CELF4: variants seen among roughly 807,000 people sequenced by gnomAD.
The protein encoded by CELF4 is CUGBP Elav-like family member 4, also known as CUG-BP- and ETR-3-like factor 4.
CELF4 carries 18 observed loss-of-function variants against 59.9 expected under a neutral mutation model. The observed-to-expected ratio is 0.30, with a 90% CI of 0.21 to 0.45. CELF4 has a LOEUF of 0.45. Among genes scored for constraint, CELF4 ranks in the 20% least tolerant of loss-of-function variants. The pLI is 1.00. For missense variants in CELF4, 456 were observed against 689.0 expected, an observed-to-expected ratio of 0.66 and a Z score of 3.79; for synonymous variants, 261 against 267.1, an observed-to-expected ratio of 0.98 and a Z score of 0.22.
chr18:37,299,692 G>T (rs1175732921), intron 3 of CELF4, among the ~76,000 whole-genome samples: 1 of 152,198 alleles, frequency 6.6e-6, no homozygotes, highest in Non-Finnish European at 1.5e-5. Flanking sequence ...GGCAACCAAA[G>T]CCTCAAAGTT....
At chr18:37,457,813 G>T (rs2099782504) in intron 2 of CELF4, among the ~76,000 whole-genome samples, 1 of 152,054 alleles carries the variant, frequency 6.6e-6, no homozygotes, top group Non-Finnish European at 1.5e-5. Context: ...TGACCCCCAA[G>T]TTGTTTCCCT....
chr18:37,337,020 C>A (rs535333986), intron 2 of CELF4, among the ~76,000 whole-genome samples: 1 of 152,342 alleles, frequency 6.6e-6, no homozygotes, highest in South Asian at 2.1e-4. Context: ...GTGCTCCACT[C>A]ACCATGCCTG....
At chr18:37,414,877 C>A (rs1345858919) in intron 2 of CELF4, among the ~76,000 whole-genome samples, 6 of 152,142 alleles carry the variant, frequency 3.9e-5, no homozygotes. Context: ...ACTCATCCAC[C>A]ACCGATCCAC....
rs190912498 is a variant in CELF4, at chr18:37,467,023, T to C, written c.369+18502A>G. On this transcript the variant is annotated intron_variant, in intron 2 of 12. Transcript: ENST00000420428. The stretch of plus-strand genomic sequence containing the variant: ...AGGTCAGAGTGGGAGGCGGTGGGGA[T>C]TGGGGAGGAGCTAATGATCACAAGA... Among the ~76,000 whole-genome samples the C allele has an allele frequency of 2.4e-3, 371 of 151,926 alleles. 1 individual carries two copies. The highest frequency in any genetic ancestry group is 0.014 in the Middle Eastern group (4 of 294).
chr18:37,533,614 TG>T (rs1432594388), intron 1 of CELF4, among the ~76,000 whole-genome samples: 11 of 152,262 alleles, frequency 7.2e-5, no homozygotes, highest in African/African-American at 2.7e-4. Context: ...AAGGCTCTTC[TG>T]GTGAGCAAAC....
At chr18:37,498,218 C>T (rs76411820) in intron 1 of CELF4, among the ~76,000 whole-genome samples, 1 of 152,156 alleles carries the variant, frequency 6.6e-6, no homozygotes, top group Middle Eastern at 3.2e-3. Flanking sequence ...GCACCATCTC[C>T]TCAAAGCTCC....
At chr18:37,310,331 C>A (rs2096599983) in intron 3 of CELF4, among the ~76,000 whole-genome samples, 1 of 152,166 alleles carries the variant, frequency 6.6e-6, no homozygotes, top group South Asian at 2.1e-4. Context: ...TCCAGTTCAG[C>A]AGGCCTAGAC....
At chr18:37,453,000 C>T (rs1430828040) in intron 2 of CELF4, among the ~76,000 whole-genome samples, 1 of 152,208 alleles carries the variant, frequency 6.6e-6, no homozygotes, top group African/African-American at 2.4e-5. Context: ...GCTTTGCCAG[C>T]CATTCCAGAC....
At chr18:37,560,223 G>C (rs1481431845) in intron 1 of CELF4, among the ~76,000 whole-genome samples, 1 of 152,176 alleles carries the variant, frequency 6.6e-6, no homozygotes, top group Non-Finnish European at 1.5e-5. Flanking sequence ...GATGTGCTTA[G>C]TCATGCTTGC....
intron 3 of CELF4, among the ~76,000 whole-genome samples, chr18:37,278,023 C>CTGAT (rs1285540575): frequency 6.6e-6 from 1 of 152,246 alleles, no homozygotes; most frequent in African/African-American, 2.4e-5. Context: ...TGACAGCTTT[C>CTGAT]TGATTGCATT....
rs186891075 is a variant in CELF4 at position 37,486,186 on chromosome 18, G to A, written c.287-579C>T. On this transcript the variant is annotated intron_variant, in intron 1 of 12. Coordinates refer to ENST00000420428, the MANE Select transcript of CELF4 (RefSeq NM_020180.4). ...CCCAACCCCTGTTGTTTGATTTGCAGTGACAGATGGTCTTCACACCCCTCC... is the reference window on the plus strand; with the variant it reads ...CCCAACCCCTGTTGTTTGATTTGCAATGACAGATGGTCTTCACACCCCTCC... 1.5e-4 allele frequency among the ~76,000 whole-genome samples: 23 copies of A among 152,290 alleles called. No individual in the cohort carries two copies. The East Asian group carries it at 2.9e-3, about 19-fold the overall frequency.
intron 3 of CELF4, among the ~76,000 whole-genome samples, chr18:37,302,696 T>C (rs13381492): frequency 0.13 from 19,865 of 152,028 alleles, 1,502 homozygotes; most frequent in African/African-American, 0.21. Context: ...CTGCAGGGGA[T>C]GGAGAATGTG....
chr18:37,524,682 G>A (rs1330362669), intron 1 of CELF4, among the ~76,000 whole-genome samples: 1 of 152,206 alleles, frequency 6.6e-6, no homozygotes, highest in Non-Finnish European at 1.5e-5. Flanking sequence ...AATAAGACGC[G>A]GGGCCAATCA....
chr18:37,276,073 C>T (rs2093183360), intron 3 of CELF4: 1 of 152,218 alleles, frequency 6.6e-6, no homozygotes, highest in Non-Finnish European at 1.5e-5. Flanking sequence ...CTGGATGCGC[C>T]CTCCTCGGTC....
intron 2 of CELF4, among the ~76,000 whole-genome samples, chr18:37,365,848 A>G (rs2098773897): frequency 6.6e-6 from 1 of 152,170 alleles, no homozygotes; most frequent in South Asian, 2.1e-4. Flanking sequence ...TTGAAAGATG[A>G]TGGACATAGT....
At chr18:37,419,961 C>T (rs1407239471) in intron 2 of CELF4, among the ~76,000 whole-genome samples, 3 of 152,212 alleles carry the variant, frequency 2.0e-5, no homozygotes, top group South Asian at 4.1e-4. Flanking sequence ...AACGGCCACT[C>T]CGGGGTTCTG....
At chr18:37,312,318 T>TGG (rs1435293447) in intron 3 of CELF4, among the ~76,000 whole-genome samples, 1 of 152,078 alleles carries the variant, frequency 6.6e-6, no homozygotes, top group Non-Finnish European at 1.5e-5. Context: ...CAGCTGGGCC[T>TGG]GGCCAGTTGC....
At chr18:37,330,945 A>G (rs2097521945) in intron 2 of CELF4, among the ~76,000 whole-genome samples, 1 of 152,248 alleles carries the variant, frequency 6.6e-6, no homozygotes, top group Non-Finnish European at 1.5e-5. Flanking sequence ...ACCAGACAGA[A>G]GAACCGGAGG....
At chr18:37,539,488 C>G (rs1016064598) in intron 1 of CELF4, among the ~76,000 whole-genome samples, 3 of 152,074 alleles carry the variant, frequency 2.0e-5, no homozygotes, top group African/African-American at 4.8e-5. Context: ...CACACACACA[C>G]ACACGCGTGC....
Sources: allele counts gnomAD v4.1 joint callset (sites outside exome capture counted in the v4.1 genomes callset), GRCh38; gene constraint gnomAD v4.1.1; transcripts MANE v1.5; gene names NCBI Gene and HGNC (gene_info 2026-07-23, HGNC 2026-07-21).